KIF19: variants seen among roughly 807,000 people sequenced by gnomAD.
KIF19 encodes the protein kinesin-like protein KIF19.
In KIF19, 98 loss-of-function variants were observed where a neutral mutation model predicts 106.6. That is an observed-to-expected ratio of 0.92 (90% CI 0.78 to 1.09). The LOEUF is 1.09. Among genes scored for constraint, KIF19 ranks in the 50% least tolerant of loss-of-function variants. The probability of loss-of-function intolerance (pLI) is 0.00; values close to 1 mark genes in which losing one functional copy is unlikely to be tolerated. For synonymous variants in KIF19, 516 were observed against 584.2 expected (o/e 0.88, Z 1.68); for missense variants, 1,373 against 1,414.3 (o/e 0.97, Z 0.47).
intron 13 of KIF19, 35 bp downstream of exon 13, chr17:74,352,172 G>A (rs781218354): frequency 1.9e-6 from 3 of 1,588,102 alleles, no homozygotes; most frequent in Admixed American, 3.5e-5. Context: ...TGAGCCACCC[G>A]CGGGGGGGCC....
chr17:74,348,973 G>A, intron 9 of KIF19: 2 of 581,664 alleles, frequency 3.4e-6, no homozygotes, highest in Non-Finnish European at 3.0e-6. Flanking sequence ...GGAGGAATGA[G>A]GACGTTCCCC....
rs1311046416 is a variant in KIF19, at chr17:74,352,100, C to T, written c.1821C>T (p.Cys607=). The change falls in exon 13 of 20, where the codon TGC becomes TGT. Residue 607 remains cysteine, a synonymous_variant. Coordinates refer to ENST00000389916, the MANE Select transcript of KIF19 (RefSeq NM_153209.4). The stretch of plus-strand genomic sequence containing the variant: ...GCCTGGAGCAGCACCGCAGTCTCTG[C>T]GACGAGATTATCCAGGGCCAGCGGC... ...VRRLEQHRSL[C]DEIIQGQRQI... 2.5e-6 allele frequency: 4 copies of T among 1,587,392 alleles called. No individual in the cohort carries two copies. Among genetic ancestry groups the T allele is most frequent in the Admixed American group, 3.5e-5 (2 of 57,718 alleles).
chr17:74,330,703 C>T (rs746955998), intron 2 of KIF19, among the ~76,000 whole-genome samples: 5 of 152,350 alleles, frequency 3.3e-5, no homozygotes, highest in African/African-American at 7.2e-5. Context: ...TCTATCCCTG[C>T]GTGTGGAGCA....
intron 17 of KIF19, 102 bp downstream of exon 17, chr17:74,353,683 CA>C (rs2054788131): frequency 9.7e-6 from 9 of 929,388 alleles, no homozygotes; most frequent in Non-Finnish European, 1.6e-5. Flanking sequence ...CTGCCAAGTG[CA>C]ACCAAGCATT....
At chr17:74,341,223 G>A (rs1216141508) in intron 2 of KIF19, among the ~76,000 whole-genome samples, 1 of 152,162 alleles carries the variant, frequency 6.6e-6, no homozygotes, top group Non-Finnish European at 1.5e-5. Context: ...GGAGGCTGTG[G>A]CAGGAGAATC....
intron 17 of KIF19, 67 bp downstream of exon 17, chr17:74,353,648 T>G: frequency 1.5e-6 from 2 of 1,321,282 alleles, no homozygotes; most frequent in Non-Finnish European, 2.2e-6. Context: ...ATCACCCAGC[T>G]CAAAGCCCTT....
chr17:74,351,180 TGTTATAATTAGGGTTTTTCAG>T, intron 12 of KIF19: 1 of 478,972 alleles, frequency 2.1e-6, no homozygotes, highest in Non-Finnish European at 3.8e-6. Context: ...TGGTAACTAA[TGTTATAATTAGGGTTTTTCAG>T]GCTGGGCACA....
At chr17:74,339,799 C>T (rs1364939447) in intron 2 of KIF19, among the ~76,000 whole-genome samples, 1 of 152,230 alleles carries the variant, frequency 6.6e-6, no homozygotes, top group Non-Finnish European at 1.5e-5. Context: ...CAGGGGGCAC[C>T]TCCGCGGTGC....
At chr17:74,332,210 T>TTGTGTGTGTGTG (rs71157056) in intron 2 of KIF19, among the ~76,000 whole-genome samples, 7 of 108,848 alleles carry the variant, frequency 6.4e-5, no homozygotes, top group African/African-American at 2.2e-4. Context: ...GTGTGTGTGT[T>TTGTGTGTGTGTG]TGTGTGTGTG....
chr17:74,335,456 T>C (rs929349318), intron 2 of KIF19, among the ~76,000 whole-genome samples: 4 of 152,236 alleles, frequency 2.6e-5, no homozygotes, highest in Non-Finnish European at 4.4e-5. Context: ...GGTCCCCCGA[T>C]AGGGACACAG....
chr17:74,347,258 C>T (rs759740771), intron 8 of KIF19, among the ~76,000 whole-genome samples: 3 of 152,132 alleles, frequency 2.0e-5, no homozygotes, highest in Non-Finnish European at 2.9e-5. Context: ...CAAGGAAAGC[C>T]GGGTGTGGTG....
intron 2 of KIF19, among the ~76,000 whole-genome samples, chr17:74,338,579 A>T (rs1396771587): frequency 6.6e-6 from 1 of 151,964 alleles, no homozygotes; most frequent in Non-Finnish European, 1.5e-5. Context: ...TCCTCCACTG[A>T]GAATCCCAGA....
intron 7 of KIF19, among the ~76,000 whole-genome samples, chr17:74,345,690 G>T (rs901876973): frequency 6.6e-6 from 1 of 152,182 alleles, no homozygotes; most frequent in Non-Finnish European, 1.5e-5. Flanking sequence ...GGAAATGACA[G>T]TGCCAGAAAG....
chr17:74,334,910 A>T (rs1043695728), intron 2 of KIF19, among the ~76,000 whole-genome samples: 1 of 152,112 alleles, frequency 6.6e-6, no homozygotes, highest in African/African-American at 2.4e-5. Flanking sequence ...CCTGAGTAGG[A>T]TAGGGGTGTT....
At chr17:74,342,147 C>A (rs1415517321) in intron 3 of KIF19, among the ~76,000 whole-genome samples, 161 bp downstream of exon 3, 1 of 152,186 alleles carries the variant, frequency 6.6e-6, no homozygotes, top group African/African-American at 2.4e-5. Flanking sequence ...GGTTCTCATG[C>A]ACACAAGGCA....
rs950723211 is a variant in KIF19 at position 74,346,679 on chromosome 17, T to G, written c.924+155T>G. 1.3e-5 allele frequency among the ~76,000 whole-genome samples: 2 copies of G among 152,242 alleles called. No individual in the cohort carries two copies. Among genetic ancestry groups the G allele is most frequent in the Non-Finnish European group, 2.9e-5 (2 of 68,046 alleles). On this transcript the variant is annotated intron_variant, in intron 8 of 19. Coordinates refer to ENST00000389916, the MANE Select transcript of KIF19 (RefSeq NM_153209.4). The surrounding 1 kb of genome is among the most constrained non-coding windows in gnomAD (Gnocchi z 4.6). ...TATGTCCCATGAAATATTTGGGATATTCTTATGCTAAAACAAAGTAATTGC... is the reference window on the plus strand; with the variant it reads ...TATGTCCCATGAAATATTTGGGATAGTCTTATGCTAAAACAAAGTAATTGC...
intron 10 of KIF19, among the ~76,000 whole-genome samples, 185 bp downstream of exon 10, chr17:74,349,534 G>T (rs2054634111): frequency 6.6e-6 from 1 of 152,222 alleles, no homozygotes; most frequent in African/African-American, 2.4e-5. Flanking sequence ...CTCTGCTTCA[G>T]ACAGTTACCA....
chr17:74,344,936 G>T lies in KIF19; in HGVS notation c.758G>T (p.Gly253Val), dbSNP rs1462866930. Residue 253 changes from glycine (G) to valine (V), a missense_variant, in exon 7 of 20, where the codon GGC (glycine) becomes GTC (valine). Around this residue, in one of 3 missense-constraint regions of KIF19, gnomAD observed 348 missense variants for 389.5 expected, o/e 0.89. Coordinates refer to ENST00000389916, the MANE Select transcript of KIF19 (RefSeq NM_153209.4). ...CGCCTGTTCATGATCGACCTGGCTG[G>T]CTCAGAGCGCGCCTCGCAGGTGAGG... ...QGRLFMIDLA[G>V]SERASQTQNR... is the part of the protein sequence containing the mutation. The T allele has an allele frequency of 2.5e-6, 4 of 1,606,664 alleles. No individual in the cohort carries two copies. The highest frequency in any genetic ancestry group is 3.4e-6 in the Non-Finnish European group (4 of 1,178,316).
chr17:74,355,337 C>T lies in KIF19; in HGVS notation c.*25C>T. 2 of 1,586,254 alleles carry T rather than the reference C, an allele frequency of 1.3e-6. No individual in the cohort carries two copies. Among genetic ancestry groups the T allele is most frequent in the South Asian group, 1.1e-5 (1 of 87,944 alleles). ...AGGGGCCCTGCCTGGAACTGGCTCT[C>T]TCACCTCCCAAGACTGAATGGGGTC... is the stretch of plus-strand genomic sequence containing the variant. On this transcript the variant is annotated 3_prime_UTR_variant, in exon 20 of 20. Coordinates refer to ENST00000389916, the MANE Select transcript of KIF19 (RefSeq NM_153209.4).
Sources: allele counts gnomAD v4.1 joint callset (sites outside exome capture counted in the v4.1 genomes callset), GRCh38; gene constraint gnomAD v4.1.1; regional missense constraint gnomAD v4.1.1; non-coding constraint Gnocchi (gnomAD v3.1); transcripts MANE v1.5; gene names NCBI Gene and HGNC (gene_info 2026-07-23, HGNC 2026-07-21).